The following SLC22A23 variants were observed in gnomAD, a reference collection of about 807,000 sequenced individuals.
SLC22A23 encodes ion transporter protein.
Under a neutral mutation model 61.0 loss-of-function variants are expected in SLC22A23, and 26 were observed. The ratio of observed to expected loss-of-function variants is 0.43; its 90% confidence interval spans 0.31 to 0.59. The LOEUF is 0.59. Ranked by LOEUF, SLC22A23 falls within the 20% of genes least tolerant of loss-of-function variation. The probability of loss-of-function intolerance (pLI) is 0.11; values close to 1 mark genes in which losing one functional copy is unlikely to be tolerated. For missense variants in SLC22A23, 796 were observed against 934.7 expected, an observed-to-expected ratio of 0.85 and a Z score of 1.94; for synonymous variants, 430 against 413.9, an observed-to-expected ratio of 1.04 and a Z score of -0.47.
chr6:3,297,538 A>T lies in SLC22A23; in HGVS notation c.1210+553T>A, dbSNP rs1046903990. Among the ~76,000 whole-genome samples the T allele has an allele frequency of 2.6e-5, 4 of 152,190 alleles. No homozygotes were observed. Among genetic ancestry groups the T allele is most frequent in the African/African-American group, 9.7e-5 (4 of 41,440 alleles). On this transcript the variant is annotated intron_variant, in intron 5 of 9. Coordinates refer to ENST00000406686, the MANE Select transcript of SLC22A23 (RefSeq NM_015482.2). The surrounding 1 kb of genome is among the most constrained non-coding windows in gnomAD (Gnocchi z 4.3). ...TCTGGATTTTAACAACCTCCTGGTG[A>T]TACGTGGATCCCCAGGTTGAGAACC...
At chr6:3,362,487 T>C (rs977675542) in intron 3 of SLC22A23, among the ~76,000 whole-genome samples, 25 of 151,390 alleles carry the variant, frequency 1.7e-4, no homozygotes, top group African/African-American at 5.8e-4. Flanking sequence ...CCAAGGATAC[T>C]GTTTCCTGAA....
chr6:3,411,255 A>G (rs1769221223), intron 2 of SLC22A23, among the ~76,000 whole-genome samples: 1 of 152,202 alleles, frequency 6.6e-6, no homozygotes, highest in African/African-American at 2.4e-5. Context: ...GGCTTGGTCT[A>G]AAGGATAACT....
intron 3 of SLC22A23, among the ~76,000 whole-genome samples, chr6:3,354,030 C>T (rs1261180159): frequency 6.6e-6 from 1 of 152,210 alleles, no homozygotes; most frequent in Non-Finnish European, 1.5e-5. Flanking sequence ...TTTGATGTGA[C>T]AGGTAGCTAA....
rs143216967 is a variant in SLC22A23 at position 3,358,481 on chromosome 6, A to C, written c.914-34479T>G. Among the ~76,000 whole-genome samples the C allele has an allele frequency of 2.4e-3, 372 of 152,350 alleles. 5 individuals carry two copies. The highest frequency in any genetic ancestry group is 3.5e-4 in the Non-Finnish European group (24 of 68,042). ...GAAATAAGCCAGTCACAGAAGGACA[A>C]ATACTACATGATTCCACTTACATGA... On this transcript the variant is annotated intron_variant, in intron 3 of 9. Transcript: ENST00000406686.
intron 5 of SLC22A23, among the ~76,000 whole-genome samples, chr6:3,292,754 A>G (rs1006102121): frequency 1.3e-5 from 2 of 152,188 alleles, no homozygotes; most frequent in African/African-American, 4.8e-5. Flanking sequence ...TGGAAAAGCT[A>G]CGCTGTCCTT....
intron 3 of SLC22A23, among the ~76,000 whole-genome samples, chr6:3,402,167 G>A (rs760877528): frequency 7.9e-5 from 12 of 152,132 alleles, no homozygotes; most frequent in Non-Finnish European, 1.6e-4. Flanking sequence ...CATGGCCATG[G>A]CCCTCATTCG....
Position 3,297,644 on chromosome 6 carries a change from T to C in SLC22A23, c.1210+447A>G, listed in dbSNP as rs73352922. On this transcript the variant is annotated intron_variant, in intron 5 of 9. Coordinates refer to ENST00000406686, the MANE Select transcript of SLC22A23 (RefSeq NM_015482.2). The surrounding 1 kb of genome is among the most constrained non-coding windows in gnomAD (Gnocchi z 4.3). ...CTATCCAAAAACACTTCACCTTTCC[T>C]GTCTTCAGCTGCCCAACAAATAGGT... Among the ~76,000 whole-genome samples the C allele has an allele frequency of 3.2e-3, 486 of 152,328 alleles. 5 individuals are homozygous for C. The highest frequency in any genetic ancestry group is 0.011 in the African/African-American group (462 of 41,564).
chr6:3,382,266 G>T (rs551467856), intron 3 of SLC22A23, among the ~76,000 whole-genome samples: 7 of 152,228 alleles, frequency 4.6e-5, no homozygotes, highest in Non-Finnish European at 1.0e-4. Context: ...TCAGATGAAG[G>T]ACAGTGAGGT....
chr6:3,432,952 T>C (rs1190851335), intron 1 of SLC22A23, among the ~76,000 whole-genome samples: 2 of 152,180 alleles, frequency 1.3e-5, no homozygotes, highest in African/African-American at 4.8e-5. Context: ...CATCAGAAGA[T>C]AATTCCCTTC....
At chr6:3,332,537 T>A (rs1451324484) in intron 3 of SLC22A23, among the ~76,000 whole-genome samples, 1 of 152,208 alleles carries the variant, frequency 6.6e-6, no homozygotes, top group Admixed American at 6.5e-5. Context: ...GAGAGAATCA[T>A]GTCATGAATA....
rs199637356 is a variant in SLC22A23, at chr6:3,437,252, CA to C, written c.654+18653del. 8.0e-5 allele frequency among the ~76,000 whole-genome samples: 12 copies of C among 150,484 alleles called. No individual in the cohort carries two copies. In the South Asian group the frequency reaches 1.1e-3, roughly 13 times the overall value. On this transcript the variant is annotated intron_variant, in intron 1 of 9. Coordinates refer to ENST00000406686, the MANE Select transcript of SLC22A23 (RefSeq NM_015482.2). The stretch of plus-strand genomic sequence containing the variant: ...CACATTATCAGCAAACACATAAAAC[CA>C]AAAAAAAACCCCAAAACAAAACAAA...
chr6:3,295,249 G>A (rs1010325200), intron 5 of SLC22A23, among the ~76,000 whole-genome samples: 1 of 152,250 alleles, frequency 6.6e-6, no homozygotes, highest in African/African-American at 2.4e-5. Flanking sequence ...TGCTGAAGTT[G>A]TAACAGTGAA....
At chr6:3,347,433 CCT>C (rs1256840978) in intron 3 of SLC22A23, among the ~76,000 whole-genome samples, 3 of 152,086 alleles carry the variant, frequency 2.0e-5, no homozygotes, top group South Asian at 4.2e-4. Flanking sequence ...TCACGGCTGA[CCT>C]CTGAGAGCTG....
intron 3 of SLC22A23, among the ~76,000 whole-genome samples, chr6:3,405,555 A>G (rs1438631314): frequency 1.3e-5 from 2 of 151,960 alleles, no homozygotes; most frequent in East Asian, 3.8e-4. Flanking sequence ...GACATCGGCA[A>G]TCTCCATTCT....
At chr6:3,287,198 T>C in intron 6 of SLC22A23, 107 bp from the exon 7 acceptor site, 2 of 989,690 alleles carry the variant, frequency 2.0e-6, no homozygotes, top group South Asian at 3.1e-5. Flanking sequence ...AAGAAGCAAC[T>C]CAATGTGTCA....
rs968283894 is a variant in SLC22A23, at chr6:3,309,119, G to T, written c.1083-10901C>A. On this transcript the variant is annotated intron_variant, in intron 4 of 9. Coordinates refer to ENST00000406686, the MANE Select transcript of SLC22A23 (RefSeq NM_015482.2). The surrounding 1 kb of genome is among the most constrained non-coding windows in gnomAD (Gnocchi z 4.7). ...GTTTGAGACCAGCCTGTCCAACATG[G>T]TGAAACCCCCATCTCTACTAAAAAC... Among the ~76,000 whole-genome samples the T allele has an allele frequency of 6.6e-6, 1 of 151,132 alleles. No homozygotes were observed. The highest frequency in any genetic ancestry group is 2.4e-5 in the African/African-American group (1 of 41,006).
chr6:3,396,503 C>G (rs368843407), intron 3 of SLC22A23, among the ~76,000 whole-genome samples: 1 of 152,122 alleles, frequency 6.6e-6, no homozygotes, highest in Non-Finnish European at 1.5e-5. Flanking sequence ...GAGCCAAGAT[C>G]GCGCCACTGC....
intron 3 of SLC22A23, among the ~76,000 whole-genome samples, chr6:3,358,514 A>G (rs1765248314): frequency 6.8e-6 from 1 of 146,030 alleles, no homozygotes. Context: ...TGAGGCATGT[A>G]AAAATAGGCA....
chr6:3,284,953 T>C, intron 8 of SLC22A23, 126 bp downstream of exon 8: 2 of 1,549,058 alleles, frequency 1.3e-6, no homozygotes, highest in Non-Finnish European at 1.7e-6. Context: ...CAACTTCAGC[T>C]GCAGTTCTTG....
Sources: allele counts gnomAD v4.1 joint callset (sites outside exome capture counted in the v4.1 genomes callset), GRCh38; gene constraint gnomAD v4.1.1; non-coding constraint Gnocchi (gnomAD v3.1); transcripts MANE v1.5; gene names NCBI Gene and HGNC (gene_info 2026-07-23, HGNC 2026-07-21).